Variants in ANO1 observed in about 807,000 individuals in gnomAD.
ANO1 encodes anoctamin 1.
ANO1 carries 59 observed loss-of-function variants against 124.0 expected under a neutral mutation model. The ratio of observed to expected loss-of-function variants is 0.48; its 90% CI spans 0.39 to 0.59. ANO1 has a LOEUF of 0.59. Among genes scored for constraint, ANO1 ranks in the 20% least tolerant of loss-of-function variants. The pLI, the probability that ANO1 is intolerant of heterozygous loss-of-function variation, is 0.00. For missense variants in ANO1, 1,059 were observed against 1,328.0 expected, an observed-to-expected ratio of 0.80 and a Z score of 3.15; for synonymous variants, 529 against 532.0, an observed-to-expected ratio of 0.99 and a Z score of 0.08.
At chr11:70,108,538 TC>T in intron 6 of ANO1, 134 bp downstream of exon 6, 1 of 989,992 alleles carries the variant, frequency 1.0e-6, no homozygotes, top group Non-Finnish European at 1.5e-6. Context: ...GTGTAACAGT[TC>T]CAGACAAGAG....
intron 11 of ANO1, among the ~76,000 whole-genome samples, chr11:70,146,944 G>A (rs1295713205): frequency 1.3e-5 from 2 of 152,044 alleles, no homozygotes; most frequent in African/African-American, 4.8e-5. Context: ...CAGATGAAGG[G>A]TGGGTCTGCC....
chr11:70,099,387 T>A (rs2045162776), intron 2 of ANO1, among the ~76,000 whole-genome samples: 1 of 152,148 alleles, frequency 6.6e-6, no homozygotes, highest in Non-Finnish European at 1.5e-5. Context: ...GTGCATGTTT[T>A]CCCAGGGAGG....
intron 1 of ANO1, chr11:70,056,096 T>C (rs535686291): frequency 6.6e-6 from 1 of 152,230 alleles, no homozygotes; most frequent in Admixed American, 6.5e-5. Context: ...ACATATATAT[T>C]TTCCTTTCCA....
upstream of ANO1, among the ~76,000 whole-genome samples, chr11:69,984,912 G>A (rs188863878): frequency 5.6e-4 from 85 of 152,348 alleles, no homozygotes; most frequent in Non-Finnish European, 1.0e-3. Flanking sequence ...TTAGCATTCT[G>A]TTTATGGTAG....
the ANO1 span, among the ~76,000 whole-genome samples, chr11:69,975,399 C>T: frequency 6.6e-6 from 1 of 152,216 alleles, no homozygotes; most frequent in Non-Finnish European, 1.5e-5. Flanking sequence ...AGGAGAGCTG[C>T]CCGTGGACCC....
At chr11:69,989,753 G>C (rs1856118435) in intron 1 of ANO1, among the ~76,000 whole-genome samples, 1 of 152,128 alleles carries the variant, frequency 6.6e-6, no homozygotes, top group African/African-American at 2.4e-5. Flanking sequence ...CAATAATCCA[G>C]GTGCACGAGG....
At chr11:70,152,520 C>A in intron 13 of ANO1, 59 bp downstream of exon 13, 1 of 1,569,164 alleles carries the variant, frequency 6.4e-7, no homozygotes, top group South Asian at 1.1e-5. Flanking sequence ...GGGAGAGGGA[C>A]CTTCTCTTGC....
At chr11:70,094,304 C>T (rs1186007823) in intron 2 of ANO1, among the ~76,000 whole-genome samples, 1 of 152,208 alleles carries the variant, frequency 6.6e-6, no homozygotes, top group Non-Finnish European at 1.5e-5. Context: ...CAGGGAAGGG[C>T]AGCCATTTCT....
chr11:70,078,752 C>T (rs1361220418), intron 1 of ANO1, 38 bp downstream of exon 1: 1 of 1,353,244 alleles, frequency 7.4e-7, no homozygotes, highest in Admixed American at 2.6e-5. Flanking sequence ...GGGAGGGCCG[C>T]GCACCTGCGC....
upstream of ANO1, among the ~76,000 whole-genome samples, chr11:70,076,971 G>GGCTCTGAGGCCCAGGAA (rs1230351098): frequency 3.9e-5 from 6 of 152,194 alleles, no homozygotes; most frequent in Non-Finnish European, 8.8e-5. Flanking sequence ...AGGCCCAGGA[G>GGCTCTGAGGCCCAGGAA]GCTCTGAGGC....
chr11:70,037,117 C>G (rs1405675180), intron 1 of ANO1, among the ~76,000 whole-genome samples: 7 of 152,166 alleles, frequency 4.6e-5, no homozygotes, highest in African/African-American at 1.7e-4. Context: ...ACAGAAGTCC[C>G]TGCCTTCAAG....
At chr11:70,036,647 G>A (rs191928096) in intron 1 of ANO1, among the ~76,000 whole-genome samples, 15 of 152,158 alleles carry the variant, frequency 9.9e-5, no homozygotes, top group East Asian at 5.8e-4. Context: ...TCGCTTTGTC[G>A]CCCAGGCTGG....
At chr11:70,117,687 C>T (rs1424537293) in intron 8 of ANO1, among the ~76,000 whole-genome samples, 4 of 152,184 alleles carry the variant, frequency 2.6e-5, no homozygotes, top group Admixed American at 2.6e-4. Context: ...GCAGCCCTTG[C>T]CCTATCTGCT....
intron 1 of ANO1, among the ~76,000 whole-genome samples, chr11:70,048,573 C>T (rs1289644932): frequency 6.6e-6 from 1 of 151,776 alleles, no homozygotes; most frequent in Non-Finnish European, 1.5e-5. Flanking sequence ...TCTCTCTCTT[C>T]CTCTCTCTCC....
At chr11:70,144,401 A>C (rs919882483) in intron 11 of ANO1, among the ~76,000 whole-genome samples, 1 of 152,198 alleles carries the variant, frequency 6.6e-6, no homozygotes, top group South Asian at 2.1e-4. Flanking sequence ...ACACCCTGTG[A>C]TAGACCCTCT....
At chr11:70,110,088 A>G (rs961408393) in intron 6 of ANO1, among the ~76,000 whole-genome samples, 1 of 152,044 alleles carries the variant, frequency 6.6e-6, no homozygotes, top group African/African-American at 2.4e-5. Context: ...AGGGAGTGGC[A>G]CATGCAAAGG....
At chr11:70,023,267 T>C (rs1565163082) in intron 1 of ANO1, among the ~76,000 whole-genome samples, 1 of 152,216 alleles carries the variant, frequency 6.6e-6, no homozygotes, top group Non-Finnish European at 1.5e-5. Context: ...TGGACCGGCA[T>C]GTGTTAGTGC....
chr11:70,120,359 C>T (rs1044348440), intron 8 of ANO1, among the ~76,000 whole-genome samples: 4 of 152,130 alleles, frequency 2.6e-5, no homozygotes, highest in South Asian at 2.1e-4. Flanking sequence ...GAGCAAGGCA[C>T]GCCCCCAGAG....
intron 8 of ANO1, 115 bp downstream of exon 8, chr11:70,116,614 C>G (rs371730153): frequency 2.0e-6 from 2 of 1,007,498 alleles, no homozygotes; most frequent in African/African-American, 1.6e-5. Flanking sequence ...CTCCCCAGGG[C>G]GCTCGCTGCA....
Sources: allele counts gnomAD v4.1 joint callset (sites outside exome capture counted in the v4.1 genomes callset), GRCh38; gene constraint gnomAD v4.1.1; transcripts MANE v1.5; gene names NCBI Gene and HGNC (gene_info 2026-07-23, HGNC 2026-07-21).